Variants in LRRC7 observed in about 807,000 individuals in gnomAD.
The protein encoded by LRRC7 is leucine rich repeat containing 7.
A neutral mutation model predicts 175.7 loss-of-function variants in LRRC7; 23 were observed. That is an observed-to-expected ratio of 0.13 (90% CI 0.09 to 0.19). The LOEUF is 0.19. Ranked by LOEUF, LRRC7 falls within the 10% of genes least tolerant of loss-of-function variation. The pLI is 1.00. For missense variants in LRRC7, 1,354 were observed against 1,904.7 expected (o/e 0.71, Z 5.38); for synonymous variants, 685 against 680.9 (o/e 1.01, Z -0.09).
intron 7 of LRRC7, among the ~76,000 whole-genome samples, chr1:69,925,685 T>G (rs551966602): frequency 6.6e-6 from 1 of 152,208 alleles, no homozygotes; most frequent in Non-Finnish European, 1.5e-5. Context: ...TTGATTCTTC[T>G]CTCCTTTCTT....
At chr1:69,683,188 G>T (rs1335704541) in intron 2 of LRRC7, among the ~76,000 whole-genome samples, 1 of 151,962 alleles carries the variant, frequency 6.6e-6, no homozygotes, top group Non-Finnish European at 1.5e-5. Context: ...CATAAACCCG[G>T]GAGTCCTCTT....
At chr1:69,589,309 C>T (rs149397334) in intron 1 of LRRC7, among the ~76,000 whole-genome samples, 1 of 152,152 alleles carries the variant, frequency 6.6e-6, no homozygotes, top group South Asian at 2.1e-4. Context: ...TCCATACATC[C>T]GCCAGGACTA....
At chr1:69,958,125 A>G (rs1650688980) in intron 8 of LRRC7, among the ~76,000 whole-genome samples, 1 of 151,990 alleles carries the variant, frequency 6.6e-6, no homozygotes, top group African/African-American at 2.4e-5. Flanking sequence ...GGCAACTTCA[A>G]ATTTTCTCTA....
At chr1:69,905,461 T>C (rs1646271933) in intron 7 of LRRC7, among the ~76,000 whole-genome samples, 1 of 152,194 alleles carries the variant, frequency 6.6e-6, no homozygotes, top group African/African-American at 2.4e-5. Context: ...CCTGTGTCCA[T>C]GTGTTCTCAT....
intron 7 of LRRC7, among the ~76,000 whole-genome samples, chr1:69,895,124 C>T (rs960291507): frequency 2.0e-5 from 3 of 152,008 alleles, no homozygotes; most frequent in Admixed American, 2.0e-4. Context: ...CCCAGCTACT[C>T]GGGAGGCTGA....
intron 2 of LRRC7, among the ~76,000 whole-genome samples, chr1:69,692,509 G>C (rs61783983): frequency 1.3e-5 from 2 of 152,178 alleles, no homozygotes; most frequent in Non-Finnish European, 2.9e-5. Flanking sequence ...CTACTTTTTC[G>C]TGGGTCCTTC....
intron 2 of LRRC7, among the ~76,000 whole-genome samples, chr1:69,742,853 A>G (rs1668858855): frequency 6.6e-6 from 1 of 151,984 alleles, no homozygotes; most frequent in Non-Finnish European, 1.5e-5. Flanking sequence ...TTAATGTTAT[A>G]TATTCCTTTT....
In LRRC7 at chr1:69,807,661, G is replaced by T. The variant is rs145591879; in HGVS notation, c.421+15501G>T. Reference sequence around the variant, plus strand: ...CTGGCTTGTATGGTTTCTGCCGAGGGATCCACTGTTAGTCTGATGGGCTTC... The same window carrying T: ...CTGGCTTGTATGGTTTCTGCCGAGGTATCCACTGTTAGTCTGATGGGCTTC... On this transcript the variant is annotated intron_variant, in intron 4 of 26. Transcript: ENST00000651989. Among the ~76,000 whole-genome samples, 753 of 152,208 alleles carry T rather than the reference G, an allele frequency of 4.9e-3. 3 individuals carry two copies. Among genetic ancestry groups the T allele is most frequent in the Non-Finnish European group, 7.9e-3 (535 of 67,992 alleles).
At chr1:69,662,295 G>A (rs1054015386) in intron 1 of LRRC7, among the ~76,000 whole-genome samples, 1 of 152,120 alleles carries the variant, frequency 6.6e-6, no homozygotes, top group South Asian at 2.1e-4. Flanking sequence ...AATGTTTGCT[G>A]TGGTCAGTGT....
intron 1 of LRRC7, among the ~76,000 whole-genome samples, chr1:69,634,982 T>G (rs1470057599): frequency 2.0e-5 from 3 of 152,074 alleles, no homozygotes; most frequent in Admixed American, 1.3e-4. Flanking sequence ...TATGTGCAGG[T>G]TTGTTACATA....
At chr1:70,029,383 A>G (rs1228044248) in intron 18 of LRRC7, among the ~76,000 whole-genome samples, 2 of 152,102 alleles carry the variant, frequency 1.3e-5, no homozygotes, top group African/African-American at 4.8e-5. Flanking sequence ...AAAAGGGAGG[A>G]GGGCATTCCA....
chr1:69,677,347 A>G (rs1039440519), intron 1 of LRRC7, among the ~76,000 whole-genome samples: 1 of 139,914 alleles, frequency 7.1e-6, no homozygotes, highest in Admixed American at 7.0e-5. Flanking sequence ...TTGATTTCAT[A>G]TATTTGCAAT....
In LRRC7 at chr1:69,644,105, G is replaced by C. The variant is rs181169640; in HGVS notation, c.3-34276G>C. Reference sequence around the variant, plus strand: ...TGGTCTATCTTGGAATATATTCTATGTCCATGTGAAAAGATTGCCTGTTCT... The same window carrying C: ...TGGTCTATCTTGGAATATATTCTATCTCCATGTGAAAAGATTGCCTGTTCT... On this transcript the variant is annotated intron_variant, in intron 1 of 26. Transcript: ENST00000651989. Among the ~76,000 whole-genome samples, 395 of 152,126 alleles carry C rather than the reference G, an allele frequency of 2.6e-3. 1 individual carries two copies. Among genetic ancestry groups the C allele is most frequent in the African/African-American group, 9.1e-3 (377 of 41,512 alleles).
intron 7 of LRRC7, among the ~76,000 whole-genome samples, chr1:69,886,697 A>T (rs905473093): frequency 1.4e-5 from 2 of 143,512 alleles, no homozygotes; most frequent in African/African-American, 2.6e-5. Context: ...TAGTTGATGC[A>T]GTTTCTTCCT....
chr1:69,907,210 G>A (rs937729841), intron 7 of LRRC7, among the ~76,000 whole-genome samples: 1 of 152,040 alleles, frequency 6.6e-6, no homozygotes, highest in African/African-American at 2.4e-5. Context: ...CTGCAAACAG[G>A]GACAATTTGA....
intron 1 of LRRC7, among the ~76,000 whole-genome samples, chr1:69,625,601 C>T (rs1651390017): frequency 1.3e-5 from 2 of 151,614 alleles, no homozygotes; most frequent in Non-Finnish European, 1.5e-5. Context: ...TTAATATATT[C>T]ATTTATAGCT....
intron 7 of LRRC7, among the ~76,000 whole-genome samples, chr1:69,894,838 CA>C (rs1341872415): frequency 2.0e-5 from 3 of 152,262 alleles, no homozygotes; most frequent in African/African-American, 7.2e-5. Context: ...CAGAAGATGT[CA>C]GGGGTATAAA....
At chr1:70,053,175 C>G (rs370836180) in intron 23 of LRRC7, 30 bp downstream of exon 23, 1 of 1,579,102 alleles carries the variant, frequency 6.3e-7, no homozygotes, top group African/African-American at 1.4e-5. Flanking sequence ...CAAGACAAAC[C>G]ATGAACCTTG....
intron 24 of LRRC7, among the ~76,000 whole-genome samples, chr1:70,076,789 CAGTT>C (rs1662815373): frequency 6.6e-6 from 1 of 152,086 alleles, no homozygotes; most frequent in Admixed American, 6.6e-5. Flanking sequence ...TTATAAAGAA[CAGTT>C]AGAAGGGAAA....
Sources: allele counts gnomAD v4.1 joint callset (sites outside exome capture counted in the v4.1 genomes callset), GRCh38; gene constraint gnomAD v4.1.1; transcripts MANE v1.5; gene names NCBI Gene and HGNC (gene_info 2026-07-23, HGNC 2026-07-21).